TMEM267: variants seen among roughly 807,000 people sequenced by gnomAD.
The protein encoded by TMEM267 is transmembrane protein 267.
A neutral mutation model predicts 19.3 loss-of-function variants in TMEM267; 20 were observed. The observed-to-expected ratio is 1.04, with a 90% CI of 0.73 to 1.51. The LOEUF (loss-of-function observed/expected upper bound fraction) is 1.51, where lower values mean the gene tolerates loss of function less well. Ranked by LOEUF, TMEM267 falls within the 40% of genes most tolerant of loss-of-function variation. TMEM267 has a pLI of 0.00. For synonymous variants in TMEM267, 88 were observed against 90.3 expected (o/e 0.97, Z 0.15); for missense variants, 242 against 261.9 (o/e 0.92, Z 0.52).
At chr5:43,452,781 G>A (rs112650853) in intron 2 of TMEM267, among the ~76,000 whole-genome samples, 7 of 152,258 alleles carry the variant, frequency 4.6e-5, no homozygotes, top group African/African-American at 1.7e-4. Context: ...ATCAATTTCT[G>A]AGAAATACCT....
chr5:43,464,941 C>A (rs886494537), intron 1 of TMEM267, among the ~76,000 whole-genome samples: 6 of 152,234 alleles, frequency 3.9e-5, no homozygotes, highest in Non-Finnish European at 8.8e-5. Flanking sequence ...GCAACCAAAG[C>A]CAAAATTGAC....
chr5:43,453,925 A>C lies in TMEM267; in HGVS notation c.45T>G (p.Cys15Trp), dbSNP rs781171417. ...GGCTGGAAATAAGAGATTCAGTGCT[A>C]CAAGTCTGCAGTAAAGCATGGGTCT... is the stretch of plus-strand genomic sequence containing the variant. ...TEKTHALLQTCSTESLISSLG... is the reference protein window; with the variant it reads ...TEKTHALLQTWSTESLISSLG... The change falls in exon 2 of 3, where the codon TGT becomes TGG. Residue 15 changes from cysteine to tryptophan, a missense_variant. Cys to Trp is a radical substitution (Grantham distance 215). Coordinates refer to ENST00000397080, the MANE Select transcript of TMEM267 (RefSeq NM_022483.5). 6.2e-7 allele frequency: 1 copy of C among 1,614,142 alleles called. No homozygotes were observed. Among genetic ancestry groups the C allele is most frequent in the Admixed American group, 1.7e-5 (1 of 59,984 alleles).
chr5:43,458,013 C>T (rs1278890647), intron 1 of TMEM267, among the ~76,000 whole-genome samples: 1 of 152,156 alleles, frequency 6.6e-6, no homozygotes, highest in Non-Finnish European at 1.5e-5. Flanking sequence ...ATCCTCCCAC[C>T]TCACCTCCTG....
chr5:43,467,334 T>C (rs1743800854), intron 1 of TMEM267, among the ~76,000 whole-genome samples: 1 of 152,048 alleles, frequency 6.6e-6, no homozygotes, highest in South Asian at 2.1e-4. Context: ...ATCTGTTACC[T>C]ACAAGAAACA....
chr5:43,481,040 G>A (rs1208332263), intron 1 of TMEM267, among the ~76,000 whole-genome samples: 4 of 150,012 alleles, frequency 2.7e-5, no homozygotes, highest in Non-Finnish European at 4.4e-5. Flanking sequence ...TCCTGACTTC[G>A]TGATCCGCCC....
intron 2 of TMEM267, among the ~76,000 whole-genome samples, chr5:43,447,097 CTT>C (rs201238947): frequency 3.1e-4 from 44 of 140,222 alleles, no homozygotes; most frequent in African/African-American, 2.3e-4. Flanking sequence ...CAGTAAATTT[CTT>C]TTTTTTTTTT....
At chr5:43,477,084 G>C (rs1744471880) in intron 1 of TMEM267, among the ~76,000 whole-genome samples, 1 of 151,250 alleles carries the variant, frequency 6.6e-6, no homozygotes, top group African/African-American at 2.4e-5. Flanking sequence ...AGTTACTCAG[G>C]AGGCTAAGGT....
chr5:43,467,373 T>G (rs1743802512), intron 1 of TMEM267, among the ~76,000 whole-genome samples: 1 of 151,836 alleles, frequency 6.6e-6, no homozygotes. Flanking sequence ...ACACATAGAC[T>G]GAAAGTGAAG....
intron 1 of TMEM267, among the ~76,000 whole-genome samples, chr5:43,481,993 C>G (rs984458481): frequency 6.6e-6 from 1 of 152,138 alleles, no homozygotes; most frequent in Non-Finnish European, 1.5e-5. Flanking sequence ...CAGGCGCCCG[C>G]CACCACGCCC....
intron 1 of TMEM267, among the ~76,000 whole-genome samples, chr5:43,454,981 T>C (rs1742859313): frequency 6.6e-6 from 1 of 152,216 alleles, no homozygotes; most frequent in South Asian, 2.1e-4. Context: ...TTATTGATAA[T>C]GACTCAACTT....
At chr5:43,468,675 A>G (rs952755674) in intron 1 of TMEM267, among the ~76,000 whole-genome samples, 1 of 152,162 alleles carries the variant, frequency 6.6e-6, no homozygotes, top group African/African-American at 2.4e-5. Flanking sequence ...AATTAACTGA[A>G]ACCTGTCTCA....
intron 2 of TMEM267, among the ~76,000 whole-genome samples, chr5:43,447,919 G>A (rs568414416): frequency 6.6e-6 from 1 of 152,298 alleles, no homozygotes; most frequent in Non-Finnish European, 1.5e-5. Flanking sequence ...ACTCTGAAAG[G>A]TATTGATTCT....
At chr5:43,456,451 C>T (rs1280016082) in intron 1 of TMEM267, among the ~76,000 whole-genome samples, 2 of 152,012 alleles carry the variant, frequency 1.3e-5, no homozygotes, top group African/African-American at 4.8e-5. Flanking sequence ...AAATTAAAAG[C>T]TTCTGATCTT....
At chr5:43,483,341 A>G (rs1420222522) in intron 1 of TMEM267, among the ~76,000 whole-genome samples, 2 of 152,200 alleles carry the variant, frequency 1.3e-5, no homozygotes, top group Non-Finnish European at 1.5e-5. Context: ...TAATTTTTCA[A>G]ATGTCATTTA....
chr5:43,454,207 GATT>G (rs1196620941), intron 1 of TMEM267, among the ~76,000 whole-genome samples, 164 bp from the exon 2 acceptor site: 2 of 118,060 alleles, frequency 1.7e-5, no homozygotes, highest in African/African-American at 3.9e-5. Flanking sequence ...AAGGAGAATA[GATT>G]TTTTTTTTTT....
intron 1 of TMEM267, among the ~76,000 whole-genome samples, chr5:43,478,720 C>T (rs1744579099): frequency 1.3e-5 from 2 of 151,802 alleles, no homozygotes; most frequent in South Asian, 4.2e-4. Context: ...GGGCAATGTA[C>T]ATAAAAAGAC....
At chr5:43,473,343 A>G (rs1455588629) in intron 1 of TMEM267, among the ~76,000 whole-genome samples, 1 of 152,108 alleles carries the variant, frequency 6.6e-6, no homozygotes, top group Non-Finnish European at 1.5e-5. Context: ...ACATGATTGT[A>G]TAATTAGAAA....
At chr5:43,458,536 A>G (rs898640054) in intron 1 of TMEM267, among the ~76,000 whole-genome samples, 5 of 152,236 alleles carry the variant, frequency 3.3e-5, no homozygotes, top group African/African-American at 1.2e-4. Flanking sequence ...ATGATTAAAA[A>G]GGAGAATAAA....
At chr5:43,450,493 C>A (rs1043187167) in intron 2 of TMEM267, among the ~76,000 whole-genome samples, 12 of 152,104 alleles carry the variant, frequency 7.9e-5, no homozygotes, top group Admixed American at 2.6e-4. Context: ...TAGAACTATG[C>A]TGTACTTTAT....
Sources: allele counts gnomAD v4.1 joint callset (sites outside exome capture counted in the v4.1 genomes callset), GRCh38; gene constraint gnomAD v4.1.1; transcripts MANE v1.5; gene names NCBI Gene and HGNC (gene_info 2026-07-23, HGNC 2026-07-21).